The following ANKRD30B variants were observed in gnomAD, a reference collection of about 807,000 sequenced individuals.
The protein encoded by ANKRD30B is ankyrin repeat domain 30B, also known as ankyrin repeat domain-containing protein 30B.
Under a neutral mutation model 202.2 loss-of-function variants are expected in ANKRD30B, and 144 were observed. The observed-to-expected ratio is 0.71, with a 90% CI of 0.62 to 0.82. The LOEUF is 0.82. Ranked by LOEUF, ANKRD30B falls within the 40% of genes least tolerant of loss-of-function variation. The pLI, the probability that ANKRD30B is intolerant of heterozygous loss-of-function variation, is 0.00. For synonymous variants in ANKRD30B, 508 were observed against 561.3 expected (o/e 0.91, Z 1.34); for missense variants, 1,487 against 1,669.1 (o/e 0.89, Z 1.90).
Position 14,796,434 on chromosome 18 carries a change from C to A in ANKRD30B, c.1927+19C>A, listed in dbSNP as rs767991079. 52 of 1,536,040 alleles carry A rather than the reference C, an allele frequency of 3.4e-5. No individual in the cohort carries two copies. Among genetic ancestry groups the A allele is most frequent in the African/African-American group, 5.5e-5 (4 of 72,310 alleles). The stretch of plus-strand genomic sequence containing the variant: ...AAAGCAGGTAAATTTTGTAATTTAA[C>A]TTTTAATCTGTAATTAAGAATATTA... On this transcript the variant is annotated intron_variant, in intron 18 of 43. Coordinates refer to ENST00000690538, the MANE Select transcript of ANKRD30B (RefSeq NM_001367607.2).
chr18:14,810,420 TAA>T lies in ANKRD30B; in HGVS notation c.2488+242_2488+243del, dbSNP rs576165205. On this transcript the variant is annotated intron_variant, in intron 28 of 43. Transcript: ENST00000690538. ...GTTCTTCTTTAATATCCCGATAGTG[TAA>T]AGTTTCCAATTTGCAATTTCTGTAC... Among the ~76,000 whole-genome samples, 8 of 151,274 alleles carry T rather than the reference TAA, an allele frequency of 5.3e-5. No homozygotes were observed. The South Asian group carries it at 1.7e-3, about 32-fold the overall frequency.
chr18:14,837,232 A>G lies in ANKRD30B; in HGVS notation c.2869A>G (p.Thr957Ala), dbSNP rs1336554655. 6.5e-7 allele frequency: 1 copy of G among 1,548,588 alleles called. No individual in the cohort carries two copies. Among genetic ancestry groups the G allele is most frequent in the East Asian group, 2.5e-5 (1 of 40,738 alleles). The change falls in exon 35 of 44, where the codon ACT becomes GCT. Residue 957 changes from threonine to alanine, a missense_variant. This residue lies in a region of ANKRD30B where 218 missense variants were observed against 320.1 expected (regional missense o/e 0.68). Transcript: ENST00000690538. ...TTKEGATKTV[T>A]GQQERDIGII... is the part of the protein sequence containing the mutation. ...ATAGGAGGGAGCAACAAAGACAGTA[A>G]CTGGACAACAGGAACGTGATATTGG...
At chr18:14,795,451 G>T (rs1423239308) in intron 16 of ANKRD30B, among the ~76,000 whole-genome samples, 1 of 152,150 alleles carries the variant, frequency 6.6e-6, no homozygotes, top group African/African-American at 2.4e-5. Flanking sequence ...CCCTCTTCAG[G>T]CGTCCAAGGT....
the ANKRD30B span, among the ~76,000 whole-genome samples, chr18:14,919,908 T>C: frequency 6.6e-6 from 1 of 152,170 alleles, no homozygotes; most frequent in Admixed American, 6.5e-5. Flanking sequence ...GGCTTGCAGG[T>C]CAAAGTCCAG....
the ANKRD30B span, chr18:14,905,988 T>A: frequency 1.3e-5 from 2 of 152,308 alleles, no homozygotes; most frequent in South Asian, 2.1e-4. Context: ...TCTTTATGAT[T>A]TGCTTGGCCC....
intron 10 of ANKRD30B, among the ~76,000 whole-genome samples, chr18:14,778,382 A>G (rs1967512746): frequency 1.3e-5 from 2 of 152,238 alleles, no homozygotes; most frequent in South Asian, 4.1e-4. Context: ...AAATGGGTTT[A>G]GGTAATAGAG....
chr18:14,816,711 C>G (rs1484852786), intron 30 of ANKRD30B: 1 of 150,230 alleles, frequency 6.7e-6, no homozygotes, highest in African/African-American at 2.4e-5. Flanking sequence ...TGGAACCAAA[C>G]CAAATGTCCA....
In ANKRD30B at chr18:14,852,164, A is replaced by C; in HGVS notation, c.4220A>C (p.Asn1407Thr). Reference protein sequence around the residue: ...AEHMYQNEQDNVDKHTEQQES... With the variant: ...AEHMYQNEQDTVDKHTEQQES... The stretch of plus-strand genomic sequence containing the variant: ...CACATGTATCAAAATGAACAAGATA[A>C]TGTGGACAAACACACTGAACAGCAG... Residue 1407 changes from asparagine to threonine, a missense_variant, in exon 42 of 44, where the codon AAT (asparagine) becomes ACT (threonine). Physicochemically the swap from Asn to Thr is moderately conservative, Grantham distance 65. This residue lies in a region of ANKRD30B where 182 missense variants were observed against 216.0 expected (regional missense o/e 0.84). Coordinates refer to ENST00000690538, the MANE Select transcript of ANKRD30B (RefSeq NM_001367607.2). 1 of 1,593,988 alleles carries C rather than the reference A, an allele frequency of 6.3e-7. No homozygotes were observed. The highest frequency in any genetic ancestry group is 8.5e-7 in the Non-Finnish European group (1 of 1,170,134).
At chr18:14,800,799 T>G (rs1969258970) in intron 22 of ANKRD30B, among the ~76,000 whole-genome samples, 1 of 69,468 alleles carries the variant, frequency 1.4e-5, no homozygotes, top group Admixed American at 1.7e-4. Flanking sequence ...AGTGTAATTT[T>G]TGACAACATT....
rs574087984 is a variant in ANKRD30B at position 14,790,704 on chromosome 18, G to A, written c.1735-697G>A. 1.6e-4 allele frequency among the ~76,000 whole-genome samples: 24 copies of A among 152,002 alleles called. No homozygotes were observed. In the East Asian group the frequency reaches 2.3e-3, roughly 15 times the overall value. On this transcript the variant is annotated intron_variant, in intron 15 of 43. Coordinates refer to ENST00000690538, the MANE Select transcript of ANKRD30B (RefSeq NM_001367607.2). ...TGCTGGATTACATTTATTGATTTGC[G>A]TATATTGAACCAGCCTTGCATCCCA... is the stretch of plus-strand genomic sequence containing the variant.
chr18:14,835,472 T>C (rs999329516), intron 34 of ANKRD30B, among the ~76,000 whole-genome samples: 1 of 151,640 alleles, frequency 6.6e-6, no homozygotes, highest in African/African-American at 2.4e-5. Flanking sequence ...CCTTATTAAC[T>C]TTAGTCTTCA....
Position 14,748,322 on chromosome 18 carries a change from G to A in ANKRD30B, c.-98G>A, listed in dbSNP as rs1164264945. 11 of 1,018,748 alleles carry A rather than the reference G, an allele frequency of 1.1e-5. No homozygotes were observed. The highest frequency in any genetic ancestry group is 1.6e-5 in the African/African-American group (1 of 61,094). The allele number at this position is 1,018,748 out of a possible 1,614,324, so 63.1% of individuals were successfully genotyped here. A position where few individuals can be genotyped will look rare whatever the true frequency, so the allele number is the denominator to read the frequency against. ...GACGGGCGAGTGCGAGCCGGGGGCG[G>A]GTGCTGGGGAAGGGTAAGCGGGAAG... On this transcript the variant is annotated 5_prime_UTR_variant, in exon 1 of 44. Transcript: ENST00000690538.
chr18:14,798,175 A>G (rs1363948617), intron 20 of ANKRD30B, among the ~76,000 whole-genome samples: 1 of 149,502 alleles, frequency 6.7e-6, no homozygotes, highest in Non-Finnish European at 1.5e-5. Flanking sequence ...TGTGTCCAGG[A>G]GAATCACCGC....
chr18:14,768,520 C>A (rs1916604527), intron 7 of ANKRD30B, among the ~76,000 whole-genome samples: 1 of 152,102 alleles, frequency 6.6e-6, no homozygotes, highest in Non-Finnish European at 1.5e-5. Context: ...GAGCCCTCAG[C>A]CTGTGGGATC....
At chr18:14,842,624 A>T (rs1466510866) in intron 37 of ANKRD30B, among the ~76,000 whole-genome samples, 3 of 152,272 alleles carry the variant, frequency 2.0e-5, no homozygotes, top group Non-Finnish European at 2.9e-5. Flanking sequence ...CACTCAGCAT[A>T]TACATATTAA....
chr18:14,748,572 C>G lies in ANKRD30B; in HGVS notation c.153C>G (p.Val51=), dbSNP rs1408315525. The change falls in exon 1 of 44, where the codon GTC becomes GTG. Residue 51 remains valine (V), a synonymous_variant. Transcript: ENST00000690538. The part of the protein sequence containing the change: ...KIHTAASRGQ[V]QKLEKMTVGK... ...ATACAGCTGCCTCCCGGGGCCAAGT[C>G]CAGAAGCTGGAGAAGATGACAGTAG... 10 of 1,562,662 alleles carry G rather than the reference C, an allele frequency of 6.4e-6. No homozygotes were observed. The highest frequency in any genetic ancestry group is 3.9e-5 in the Admixed American group (2 of 51,908).
the ANKRD30B span, among the ~76,000 whole-genome samples, chr18:14,926,760 A>T: frequency 4.3e-4 from 66 of 152,316 alleles, no homozygotes; most frequent in African/African-American, 1.5e-3. Flanking sequence ...CCCCATCTCT[A>T]CAAAAATTAA....
At chr18:14,936,280 T>A in the ANKRD30B span, among the ~76,000 whole-genome samples, 3,690 of 152,308 alleles carry the variant, frequency 0.024, 59 homozygotes, top group Middle Eastern at 0.027. Flanking sequence ...CATGTTCAAT[T>A]TCCAGAAACA....
chr18:14,836,106 C>A (rs1485175581), intron 34 of ANKRD30B, among the ~76,000 whole-genome samples: 1 of 151,882 alleles, frequency 6.6e-6, no homozygotes, highest in Non-Finnish European at 1.5e-5. Flanking sequence ...TTAATTCTAC[C>A]CATTTAGTCT....
Sources: allele counts gnomAD v4.1 joint callset (sites outside exome capture counted in the v4.1 genomes callset), GRCh38; gene constraint gnomAD v4.1.1; regional missense constraint gnomAD v4.1.1; transcripts MANE v1.5; gene names NCBI Gene and HGNC (gene_info 2026-07-23, HGNC 2026-07-21).